HPSE2: variants seen among roughly 807,000 people sequenced by gnomAD.
HPSE2 encodes inactive heparanase-2.
A neutral mutation model predicts 60.5 loss-of-function variants in HPSE2; 38 were observed. The ratio of observed to expected loss-of-function variants is 0.63; its 90% CI spans 0.48 to 0.82. HPSE2 has a LOEUF of 0.82. Ranked by LOEUF, HPSE2 falls within the 40% of genes least tolerant of loss-of-function variation. HPSE2 has a pLI of 0.00. For synonymous variants in HPSE2, 295 were observed against 293.2 expected (o/e 1.01, Z -0.06); for missense variants, 713 against 740.4 (o/e 0.96, Z 0.43).
Position 98,459,304 on chromosome 10 carries a change from T to A in HPSE2, c.*270A>T, listed in dbSNP as rs114885354. 399 of 477,844 alleles carry A rather than the reference T, an allele frequency of 8.4e-4. No individual in the cohort carries two copies. Among genetic ancestry groups the A allele is most frequent in the African/African-American group, 6.6e-3 (336 of 51,022 alleles). 29.6% of individuals were successfully genotyped at this position (477,844 alleles called of 1,614,324 possible). A position where few individuals can be genotyped will look rare whatever the true frequency, so the allele number is the denominator to read the frequency against. ...TGTCAGCTCGTTTTCATAGTGCACATGAAGGGAAACATTCTGCTCTATACA... is the reference window on the plus strand; with the variant it reads ...TGTCAGCTCGTTTTCATAGTGCACAAGAAGGGAAACATTCTGCTCTATACA... On this transcript the variant is annotated 3_prime_UTR_variant, in exon 12 of 12. Coordinates refer to ENST00000370552, the MANE Select transcript of HPSE2 (RefSeq NM_021828.5).
the HPSE2 span, among the ~76,000 whole-genome samples, chr10:99,313,044 A>T: frequency 6.6e-6 from 1 of 152,122 alleles, no homozygotes; most frequent in Non-Finnish European, 1.5e-5. Flanking sequence ...CATGATTGTA[A>T]GCTTCCTGAG....
chr10:99,217,618 A>G (rs2133922577), intron 2 of HPSE2, among the ~76,000 whole-genome samples: 1 of 151,746 alleles, frequency 6.6e-6, no homozygotes, highest in Admixed American at 6.6e-5. Context: ...TTTGTTTTTG[A>G]GACAAATCTC....
At chr10:99,094,385 G>T (rs962142415) in intron 3 of HPSE2, among the ~76,000 whole-genome samples, 11 of 150,716 alleles carry the variant, frequency 7.3e-5, no homozygotes, top group African/African-American at 2.7e-4. Flanking sequence ...CAAAGTAAAA[G>T]TATGTGTATA....
At chr10:98,546,429 C>T (rs1287792435) in intron 9 of HPSE2, among the ~76,000 whole-genome samples, 2 of 148,568 alleles carry the variant, frequency 1.3e-5, no homozygotes, top group Non-Finnish European at 3.0e-5. Context: ...GTAACCAAAA[C>T]AGCATGGTAC....
At chr10:98,995,098 C>T (rs1363105205) in intron 3 of HPSE2, among the ~76,000 whole-genome samples, 2 of 152,210 alleles carry the variant, frequency 1.3e-5, no homozygotes, top group African/African-American at 2.4e-5. Flanking sequence ...GTGCTTCGAA[C>T]CCTCTCCTTA....
intron 3 of HPSE2, among the ~76,000 whole-genome samples, chr10:98,993,733 C>T (rs567711063): frequency 1.3e-5 from 2 of 152,284 alleles, no homozygotes; most frequent in South Asian, 4.1e-4. Context: ...CATTCCCTTT[C>T]AGCTTCATGC....
At chr10:99,005,829 T>A (rs1024748169) in intron 3 of HPSE2, among the ~76,000 whole-genome samples, 12 of 152,314 alleles carry the variant, frequency 7.9e-5, no homozygotes, top group Non-Finnish European at 1.5e-5. Context: ...TCCTTTTCAG[T>A]CCATCCAGAG....
chr10:99,085,716 T>C (rs1843292502), intron 3 of HPSE2, among the ~76,000 whole-genome samples: 1 of 152,244 alleles, frequency 6.6e-6, no homozygotes, highest in Non-Finnish European at 1.5e-5. Context: ...TATCCTGTTA[T>C]GGACTGAGAT....
chr10:98,758,721 G>GT (rs1194076271), intron 3 of HPSE2, among the ~76,000 whole-genome samples: 6 of 152,068 alleles, frequency 3.9e-5, no homozygotes, highest in African/African-American at 1.4e-4. Context: ...AAACGAATGC[G>GT]TATACACTGT....
chr10:99,092,360 GGTCA>G (rs1216693241), intron 3 of HPSE2, among the ~76,000 whole-genome samples: 9 of 152,028 alleles, frequency 5.9e-5, no homozygotes, highest in Admixed American at 1.3e-4. Context: ...TTAATAATCA[GGTCA>G]GTAAGTATTG....
intron 3 of HPSE2, among the ~76,000 whole-genome samples, chr10:99,018,911 A>G (rs1201791952): frequency 1.3e-5 from 2 of 152,232 alleles, no homozygotes. Flanking sequence ...GCATTTGCCT[A>G]AAGCTTTGGG....
rs188603467 is a variant in HPSE2 at position 99,023,737 on chromosome 10, C to A, written c.610+120501G>T. Among the ~76,000 whole-genome samples the A allele has an allele frequency of 9.8e-5, 15 of 152,288 alleles. No individual in the cohort carries two copies. The East Asian group carries it at 2.7e-3, about 27-fold the overall frequency. On this transcript the variant is annotated intron_variant, in intron 3 of 11. Transcript: ENST00000370552. ...AATTCTTCAAGATCTAGTCTAAGAC[C>A]ATGAAGGCAGTTCCTCTATGAGTCA...
chr10:98,738,278 T>C (rs1949408558), intron 4 of HPSE2, among the ~76,000 whole-genome samples: 1 of 151,906 alleles, frequency 6.6e-6, no homozygotes, highest in Admixed American at 6.6e-5. Context: ...TGGCTAGCCA[T>C]ATTCATAAAA....
chr10:99,298,094 C>T, the HPSE2 span, among the ~76,000 whole-genome samples: 1 of 152,204 alleles, frequency 6.6e-6, no homozygotes, highest in Non-Finnish European at 1.5e-5. Context: ...AGCCAAGTGG[C>T]CACCCAATAT....
At chr10:98,906,942 T>C (rs1953838881) in intron 3 of HPSE2, among the ~76,000 whole-genome samples, 1 of 152,010 alleles carries the variant, frequency 6.6e-6, no homozygotes, top group Non-Finnish European at 1.5e-5. Flanking sequence ...ACCAACTTAG[T>C]AATGAAGGGC....
At chr10:98,635,362 C>T (rs527596168) in intron 7 of HPSE2, among the ~76,000 whole-genome samples, 1 of 152,208 alleles carries the variant, frequency 6.6e-6, no homozygotes, top group South Asian at 2.1e-4. Flanking sequence ...CTGTATGATC[C>T]AGTAATCCCA....
At chr10:98,463,844 T>TG (rs1351133465) in intron 11 of HPSE2, among the ~76,000 whole-genome samples, 1 of 151,956 alleles carries the variant, frequency 6.6e-6, no homozygotes, top group Non-Finnish European at 1.5e-5. Context: ...TCAGGCCGAG[T>TG]GCGGTGGTTC....
intron 9 of HPSE2, among the ~76,000 whole-genome samples, chr10:98,505,486 A>G (rs753435995): frequency 4.6e-5 from 7 of 152,188 alleles, no homozygotes; most frequent in African/African-American, 7.2e-5. Context: ...CAGCTATTCC[A>G]ACTATACTCC....
intron 9 of HPSE2, among the ~76,000 whole-genome samples, chr10:98,532,079 T>C (rs1403179706): frequency 1.3e-5 from 2 of 152,184 alleles, no homozygotes; most frequent in African/African-American, 4.8e-5. Flanking sequence ...TTTATCTGGA[T>C]TTCAAGAGGG....
Sources: allele counts gnomAD v4.1 joint callset (sites outside exome capture counted in the v4.1 genomes callset), GRCh38; gene constraint gnomAD v4.1.1; transcripts MANE v1.5; gene names NCBI Gene and HGNC (gene_info 2026-07-23, HGNC 2026-07-21).